The following INSC variants were observed in gnomAD, a reference collection of about 807,000 sequenced individuals.
INSC encodes protein inscuteable homolog.
INSC carries 67 observed loss-of-function variants against 58.6 expected under a neutral mutation model. That is an observed-to-expected ratio of 1.14 (90% confidence interval 0.94 to 1.40). The LOEUF (loss-of-function observed/expected upper bound fraction) is 1.40, where lower values mean the gene tolerates loss of function less well. Ranked by LOEUF, INSC falls within the 40% of genes most tolerant of loss-of-function variation. The pLI is 0.00. For synonymous variants in INSC, 262 were observed against 276.1 expected, an observed-to-expected ratio of 0.95 and a Z score of 0.51; for missense variants, 714 against 692.0, an observed-to-expected ratio of 1.03 and a Z score of -0.36.
intron 5 of INSC, among the ~76,000 whole-genome samples, chr11:15,185,363 G>C (rs1045682725): frequency 6.6e-6 from 1 of 151,838 alleles, no homozygotes; most frequent in Admixed American, 6.6e-5. Flanking sequence ...ATACATAAAT[G>C]AATTATCCTA....
chr11:15,228,077 T>G (rs961240102), intron 9 of INSC, among the ~76,000 whole-genome samples: 1 of 152,194 alleles, frequency 6.6e-6, no homozygotes, highest in Non-Finnish European at 1.5e-5. Context: ...AATTAATTAA[T>G]AAATAAATAT....
At chr11:15,170,955 C>G (rs1360154248) in intron 2 of INSC, among the ~76,000 whole-genome samples, 1 of 152,220 alleles carries the variant, frequency 6.6e-6, no homozygotes, top group Non-Finnish European at 1.5e-5. Flanking sequence ...TAGCAGAGTG[C>G]TGAATCGATT....
At chr11:15,206,675 G>A (rs977774922) in intron 7 of INSC, among the ~76,000 whole-genome samples, 2 of 152,176 alleles carry the variant, frequency 1.3e-5, no homozygotes, top group African/African-American at 4.8e-5. Context: ...TACCAAGGGG[G>A]AGGACTGCAG....
At chr11:15,237,692 C>T (rs1052562786) in intron 10 of INSC, among the ~76,000 whole-genome samples, 1 of 152,124 alleles carries the variant, frequency 6.6e-6, no homozygotes, top group Non-Finnish European at 1.5e-5. Context: ...GTCTAAATAA[C>T]AGGTTGCAAA....
chr11:15,135,156 C>T (rs1554903518), intron 1 of INSC, among the ~76,000 whole-genome samples: 1 of 151,992 alleles, frequency 6.6e-6, no homozygotes, highest in Non-Finnish European at 1.5e-5. Flanking sequence ...GGTGCCATGA[C>T]CAATGCATAG....
intron 2 of INSC, among the ~76,000 whole-genome samples, chr11:15,166,165 G>A (rs768426695): frequency 1.3e-5 from 2 of 152,046 alleles, no homozygotes; most frequent in Non-Finnish European, 2.9e-5. Context: ...GTTGGTTCCT[G>A]GTGTCATGTG....
At chr11:15,233,863 G>A (rs758753184) in intron 9 of INSC, among the ~76,000 whole-genome samples, 3 of 152,126 alleles carry the variant, frequency 2.0e-5, no homozygotes, top group Non-Finnish European at 4.4e-5. Flanking sequence ...TCTGCTAACA[G>A]CCCAGAGATA....
upstream of INSC, among the ~76,000 whole-genome samples, chr11:15,112,955 A>G (rs1207193939): frequency 6.6e-6 from 1 of 152,142 alleles, no homozygotes; most frequent in African/African-American, 2.4e-5. Flanking sequence ...CAGAGAGGTT[A>G]AGTGATTTGT....
In INSC at chr11:15,221,606, A is replaced by G; in HGVS notation, c.949A>G (p.Ser317Gly). Reference protein sequence around the residue: ...PHLPVTQHLSSFLESMEEIVT... With the variant: ...PHLPVTQHLSGFLESMEEIVT... The stretch of plus-strand genomic sequence containing the variant: ...CCTGCCCGTCACCCAGCACCTCAGT[A>G]GCTTCCTGGAGAGCATGGAGGAGAT... Residue 317 changes from serine (S) to glycine (G), a missense_variant, in exon 8 of 13, where the codon AGC becomes GGC. Coordinates refer to ENST00000379556, the MANE Select transcript of INSC (RefSeq NM_001042536.3). 1 of 1,613,796 alleles carries G rather than the reference A, an allele frequency of 6.2e-7. No homozygotes were observed. The highest frequency in any genetic ancestry group is 8.5e-7 in the Non-Finnish European group (1 of 1,179,872).
chr11:15,233,969 C>G (rs752069970), intron 9 of INSC, among the ~76,000 whole-genome samples: 8 of 152,180 alleles, frequency 5.3e-5, no homozygotes, highest in Non-Finnish European at 1.0e-4. Context: ...TCCAACCCAG[C>G]TTTTTCCTCT....
At chr11:15,137,878 G>A (rs1323317853) in intron 1 of INSC, among the ~76,000 whole-genome samples, 1 of 152,056 alleles carries the variant, frequency 6.6e-6, no homozygotes, top group African/African-American at 2.4e-5. Context: ...TAACCGTTTG[G>A]CACAAGAGGC....
intron 7 of INSC, among the ~76,000 whole-genome samples, chr11:15,209,020 A>C (rs1173601262): frequency 6.6e-6 from 1 of 152,132 alleles, no homozygotes; most frequent in Non-Finnish European, 1.5e-5. Flanking sequence ...ATGTAGGCAA[A>C]TCTTTCATTC....
chr11:15,248,205 T>C (rs1418731487), downstream of INSC, among the ~76,000 whole-genome samples: 1 of 152,230 alleles, frequency 6.6e-6, no homozygotes, highest in African/African-American at 2.4e-5. Context: ...CAGAATTTAA[T>C]ACACTTAATA....
At chr11:15,139,587 C>A (rs547345600) in intron 1 of INSC, among the ~76,000 whole-genome samples, 8 of 152,354 alleles carry the variant, frequency 5.3e-5, no homozygotes, top group Non-Finnish European at 8.8e-5. Context: ...TTTAGATCAA[C>A]ACCTACTGTG....
chr11:15,252,997 C>T, the INSC span, among the ~76,000 whole-genome samples: 1 of 152,162 alleles, frequency 6.6e-6, no homozygotes, highest in South Asian at 2.1e-4. Flanking sequence ...AACAAACCCA[C>T]TCCTTTTCCC....
chr11:15,267,605 C>T, the INSC span, among the ~76,000 whole-genome samples: 14 of 151,904 alleles, frequency 9.2e-5, no homozygotes, highest in Non-Finnish European at 1.9e-4. Flanking sequence ...AAAAATATAC[C>T]TATCATGTCT....
intron 6 of INSC, 125 bp from the exon 7 acceptor site, chr11:15,200,699 G>C: frequency 1.7e-6 from 2 of 1,170,436 alleles, no homozygotes; most frequent in Non-Finnish European, 2.5e-6. Context: ...TGTGTGGGGC[G>C]GGGGTTGCTG....
intron 2 of INSC, among the ~76,000 whole-genome samples, chr11:15,171,686 T>A (rs1042518481): frequency 7.2e-5 from 11 of 152,238 alleles, no homozygotes; most frequent in Non-Finnish European, 1.6e-4. Context: ...TATGTTTAGT[T>A]ATCTGTGCAC....
chr11:15,247,948 G>A (rs531005577), downstream of INSC, among the ~76,000 whole-genome samples: 46 of 152,066 alleles, frequency 3.0e-4, no homozygotes, highest in African/African-American at 9.9e-4. Flanking sequence ...AGACGGACTC[G>A]CTTTGTTCAT....
Sources: allele counts gnomAD v4.1 joint callset (sites outside exome capture counted in the v4.1 genomes callset), GRCh38; gene constraint gnomAD v4.1.1; transcripts MANE v1.5; gene names NCBI Gene and HGNC (gene_info 2026-07-23, HGNC 2026-07-21).